POLR1C: variants seen among roughly 807,000 people sequenced by gnomAD.
POLR1C encodes DNA-directed RNA polymerases I and III subunit RPAC1.
Under a neutral mutation model 38.3 loss-of-function variants are expected in POLR1C, and 42 were observed. The observed-to-expected ratio is 1.10, with a 90% CI of 0.86 to 1.42. POLR1C has a LOEUF of 1.42. Ranked by LOEUF, POLR1C falls within the 40% of genes most tolerant of loss-of-function variation. POLR1C has a pLI of 0.00. For synonymous variants in POLR1C, 163 were observed against 163.9 expected (o/e 0.99, Z 0.04); for missense variants, 507 against 450.5 (o/e 1.13, Z -1.14).
intron 10 of POLR1C, among the ~76,000 whole-genome samples, chr6:43,559,894 CA>C (rs1432279769): frequency 6.6e-6 from 1 of 152,134 alleles, no homozygotes; most frequent in Non-Finnish European, 1.5e-5. Context: ...CAGCTCAATG[CA>C]GCTTCAACTT....
intron 2 of POLR1C, chr6:43,519,072 G>A: frequency 1.9e-6 from 1 of 518,652 alleles, no homozygotes; most frequent in Non-Finnish European, 3.5e-6. Context: ...GGTAGTTTCT[G>A]TTCTTCAGTA....
Position 43,519,750 on chromosome 6 carries a change from A to C in POLR1C, c.294A>C (p.Thr98=). The change falls in exon 4 of 9, where the codon ACA becomes ACC. Residue 98 remains threonine, a synonymous_variant. Transcript: ENST00000642195. ...AGAAGGTCCTGGTGTACAATAATAC[A>C]TCCATTGTTCAGGATGAGATTCTTG... The part of the protein sequence containing the change: ...AVEKVLVYNN[T]SIVQDEILAH... 1 of 1,613,978 alleles carries C rather than the reference A, an allele frequency of 6.2e-7. No homozygotes were observed. The highest frequency in any genetic ancestry group is 8.5e-7 in the Non-Finnish European group (1 of 1,179,872).
chr6:43,534,475 C>T (rs534885041), downstream of POLR1C, among the ~76,000 whole-genome samples: 6 of 152,292 alleles, frequency 3.9e-5, no homozygotes, highest in South Asian at 2.1e-4. Flanking sequence ...TAGAGGAACA[C>T]AATTCCCAAC....
rs1160662301 is a variant in POLR1C, at chr6:43,538,139, C to CTTTT, written c.*4+8805_*4+8808dup. 5.6e-3 allele frequency among the ~76,000 whole-genome samples: 274 copies of CTTTT among 48,960 alleles called. 31 individuals carry two copies. The highest frequency in any genetic ancestry group is 0.018 in the African/African-American group (224 of 12,126). 32.1% of individuals were successfully genotyped at this position (48,960 alleles called of 152,430 possible). ...TATAAATTTAGAGCCTAAGAGACAT[C>CTTTT]TTTTTTTTTTTTTTTTTTTTTTTTT... On this transcript the variant is annotated intron_variant, in intron 9 of 10. Coordinates refer to the POLR1C transcript ENST00000607635.
intron 10 of POLR1C, among the ~76,000 whole-genome samples, chr6:43,551,933 T>C (rs546238382): frequency 5.2e-4 from 79 of 151,998 alleles, no homozygotes; most frequent in Middle Eastern, 3.4e-3. Context: ...TCCCAAAGTG[T>C]TGGGATTACA....
At chr6:43,521,952 T>G (rs991689207), downstream of POLR1C, among the ~76,000 whole-genome samples, 1 of 152,186 alleles carries the variant, frequency 6.6e-6, no homozygotes, top group African/African-American at 2.4e-5. Flanking sequence ...CTCCTGAGAA[T>G]TGGCAAATTA....
intron 2 of POLR1C, among the ~76,000 whole-genome samples, chr6:43,518,889 C>A (rs1475136111): frequency 7.2e-5 from 11 of 152,134 alleles, no homozygotes; most frequent in Non-Finnish European, 1.5e-5. Context: ...ACCATGCTGG[C>A]CAGGCTGGTC....
chr6:43,553,549 A>ACACACAC (rs750175250), intron 10 of POLR1C: 1 of 1,519,186 alleles, frequency 6.6e-7, no homozygotes, highest in African/African-American at 1.4e-5. Flanking sequence ...ACACACACAC[A>ACACACAC]ATTATCAGCA....
chr6:43,558,613 G>A, intron 10 of POLR1C: 1 of 1,548,370 alleles, frequency 6.5e-7, no homozygotes, highest in Non-Finnish European at 8.7e-7. Context: ...AAGGTAATTG[G>A]GGTAGGGGAT....
At chr6:43,552,622 C>G (rs1096700) in intron 10 of POLR1C, among the ~76,000 whole-genome samples, 132,748 of 152,266 alleles carry the variant, frequency 0.87, 58,108 homozygotes, top group African/African-American at 0.92. Flanking sequence ...CAAAGTGCTG[C>G]GATTACAGGC....
chr6:43,517,089 A>G lies in POLR1C; in HGVS notation c.-21A>G, dbSNP rs190872536. ...GACGCACGCGCGAGATAGAACCTCT[A>G]GTCTCGTGGAGAGATTGAAGATGGC... On this transcript the variant is annotated 5_prime_UTR_variant, in exon 1 of 9. Transcript: ENST00000642195. 119 of 1,610,480 alleles carry G rather than the reference A, an allele frequency of 7.4e-5. No individual in the cohort carries two copies. The East Asian group carries it at 2.5e-3, about 33-fold the overall frequency.
chr6:43,527,770 GA>G, intron 8 of POLR1C: 2 of 1,604,282 alleles, frequency 1.2e-6, no homozygotes, highest in Non-Finnish European at 1.7e-6. Context: ...CAGGAGTGCA[GA>G]AAAGGAAGGA....
At chr6:43,558,023 A>C (rs1470014347) in intron 10 of POLR1C, among the ~76,000 whole-genome samples, 1 of 151,834 alleles carries the variant, frequency 6.6e-6, no homozygotes, top group Non-Finnish European at 1.5e-5. Context: ...TGAACCCAGA[A>C]GGCAGAGGTT....
intron 10 of POLR1C, among the ~76,000 whole-genome samples, chr6:43,557,893 C>T (rs568891135): frequency 1.9e-4 from 29 of 150,678 alleles, no homozygotes; most frequent in African/African-American, 6.8e-4. Context: ...GTCGGGAGTT[C>T]GAGACCAGCC....
intron 10 of POLR1C, among the ~76,000 whole-genome samples, chr6:43,556,895 A>T (rs1423135431): frequency 1.3e-5 from 2 of 151,554 alleles, no homozygotes; most frequent in Non-Finnish European, 2.9e-5. Context: ...TGGGACGCCA[A>T]GGCAGGTGAA....
chr6:43,519,614 G>C, intron 3 of POLR1C, 92 bp from the exon 4 acceptor site: 2 of 1,557,348 alleles, frequency 1.3e-6, no homozygotes, highest in Admixed American at 3.3e-5. Context: ...TAGGAAGAGA[G>C]ATAGCTCCCT....
At chr6:43,546,544 CAG>C (rs1483420317) in intron 9 of POLR1C, 46 of 1,578,020 alleles carry the variant, frequency 2.9e-5, no homozygotes, top group Non-Finnish European at 3.9e-5. Flanking sequence ...TAGAAAACAA[CAG>C]AGAAAAGCCA....
Position 43,520,329 on chromosome 6 carries a change from C to T in POLR1C, c.557C>T (p.Pro186Leu), listed in dbSNP as rs781133480. The change falls in exon 6 of 9, where the codon CCA becomes CTA. Residue 186 changes from proline (P) to leucine (L), a missense_variant. Coordinates refer to ENST00000642195, the MANE Select transcript of POLR1C (RefSeq NM_203290.4). ...CTGGGGAACCAGGCTGATCTCTTTC[C>T]AGAGGGCACTATCCGACCAGTGCAT... is the stretch of plus-strand genomic sequence containing the variant. ...IPLGNQADLF[P>L]EGTIRPVHDD... The T allele has an allele frequency of 1.2e-6, 2 of 1,613,424 alleles. No individual in the cohort carries two copies. Among genetic ancestry groups the T allele is most frequent in the Admixed American group, 1.7e-5 (1 of 60,028 alleles).
rs548359864 is a variant in POLR1C at position 43,556,778 on chromosome 6, C to T, written c.*49-4622C>T. 1.5e-3 allele frequency among the ~76,000 whole-genome samples: 221 copies of T among 152,180 alleles called. 1 individual carries two copies. Among genetic ancestry groups the T allele is most frequent in the African/African-American group, 4.9e-3 (204 of 41,530 alleles). On this transcript the variant is annotated intron_variant, in intron 10 of 10. Transcript: ENST00000607635. ...AAATGGAAATAACTCAAATGTCCAT[C>T]AACAGATGAATAAATGAGTAAATGT...
Sources: gnomAD v4.1 joint callset for allele counts (sites outside exome capture counted in the v4.1 genomes callset) on GRCh38, gnomAD v4.1.1 for gene constraint, MANE v1.5 for transcripts, NCBI Gene and HGNC (gene_info 2026-07-23, HGNC 2026-07-21) for gene names.